The following FGF14 variants were observed in gnomAD, a reference collection of about 807,000 sequenced individuals.
The protein encoded by FGF14 is fibroblast growth factor homologous factor 4.
Under a neutral mutation model 25.5 loss-of-function variants are expected in FGF14, and 5 were observed. That is an observed-to-expected ratio of 0.20 (90% CI 0.10 to 0.41). FGF14 has a LOEUF of 0.41. Ranked by LOEUF, FGF14 falls within the 10% of genes least tolerant of loss-of-function variation. The probability of loss-of-function intolerance (pLI) is 1.00; values close to 1 mark genes in which losing one functional copy is unlikely to be tolerated. For missense variants in FGF14, 222 were observed against 320.1 expected, an observed-to-expected ratio of 0.69 and a Z score of 2.34; for synonymous variants, 138 against 118.3, an observed-to-expected ratio of 1.17 and a Z score of -1.08.
chr13:102,371,100 A>C (rs1459093347), intron 1 of FGF14, among the ~76,000 whole-genome samples: 1 of 152,202 alleles, frequency 6.6e-6, no homozygotes, highest in Non-Finnish European at 1.5e-5. Context: ...GTGTTATTTC[A>C]TATTCCAGGT....
At chr13:102,220,288 A>T (rs753160754) in intron 1 of FGF14, among the ~76,000 whole-genome samples, 9 of 152,192 alleles carry the variant, frequency 5.9e-5, no homozygotes, top group South Asian at 2.1e-4. Context: ...TCATTTAAGA[A>T]TGGAAATGAA....
At chr13:102,307,211 A>G (rs1426272891) in intron 1 of FGF14, among the ~76,000 whole-genome samples, 2 of 152,168 alleles carry the variant, frequency 1.3e-5, no homozygotes, top group Non-Finnish European at 2.9e-5. Flanking sequence ...TCCCATGACC[A>G]TATGGAACCT....
At chr13:102,376,621 T>C (rs1374352491) in intron 1 of FGF14, among the ~76,000 whole-genome samples, 1 of 152,124 alleles carries the variant, frequency 6.6e-6, no homozygotes, top group Non-Finnish European at 1.5e-5. Flanking sequence ...CTTTCACCCA[T>C]TGCCTCTCCT....
At chr13:102,395,554 G>T (rs2139262968) in intron 1 of FGF14, 1 of 152,318 alleles carries the variant, frequency 6.6e-6, no homozygotes, top group African/African-American at 2.4e-5. Flanking sequence ...TTATTTAGTA[G>T]CCAAATTCTT....
intron 1 of FGF14, among the ~76,000 whole-genome samples, chr13:102,014,916 CATTT>C (rs776692372): frequency 1.9e-4 from 29 of 152,218 alleles, no homozygotes; most frequent in Non-Finnish European, 3.8e-4. Flanking sequence ...GCTAAACATT[CATTT>C]ATTTATTTAT....
At chr13:102,197,861 G>A (rs1001143271) in intron 1 of FGF14, among the ~76,000 whole-genome samples, 50 of 151,998 alleles carry the variant, frequency 3.3e-4, no homozygotes, top group Admixed American at 3.2e-3. Context: ...AAAGCCTCAC[G>A]GTACACAGTA....
intron 1 of FGF14, among the ~76,000 whole-genome samples, chr13:102,241,931 C>T (rs1187243872): frequency 1.3e-5 from 2 of 151,986 alleles, no homozygotes; most frequent in Non-Finnish European, 2.9e-5. Context: ...TTATTCTTGG[C>T]AACCTGAAAA....
intron 2 of FGF14, among the ~76,000 whole-genome samples, chr13:101,870,466 T>G (rs994391806): frequency 6.6e-6 from 1 of 152,182 alleles, no homozygotes; most frequent in Non-Finnish European, 1.5e-5. Context: ...TCTTCTAACT[T>G]TCACACACTC....
At chr13:102,284,977 G>A (rs1377695919) in intron 1 of FGF14, among the ~76,000 whole-genome samples, 3 of 151,354 alleles carry the variant, frequency 2.0e-5, no homozygotes, top group Non-Finnish European at 4.4e-5. Flanking sequence ...ACTTTGAGCT[G>A]TATACATTAC....
Position 101,715,372 on chromosome 13 carries a change from A to G in FGF14, c.*7459T>C, listed in dbSNP as rs2034670660. ...TAAAGGGTGGCACCAAATAAATGCC[A>G]CTAATTGTTTGAAAGATTAGATGTC... is the stretch of plus-strand genomic sequence containing the variant. On this transcript the variant is annotated 3_prime_UTR_variant, in exon 5 of 5. Coordinates refer to ENST00000376143, the MANE Select transcript of FGF14 (RefSeq NM_004115.4). 5.2e-6 allele frequency: 3 copies of G among 578,412 alleles called. No individual in the cohort carries two copies. Among genetic ancestry groups the G allele is most frequent in the Non-Finnish European group, 9.3e-6 (3 of 322,136 alleles). 35.8% of individuals were successfully genotyped at this position (578,412 alleles called of 1,614,324 possible).
chr13:102,066,300 A>G (rs1455236789), intron 1 of FGF14, among the ~76,000 whole-genome samples: 1 of 152,170 alleles, frequency 6.6e-6, no homozygotes, highest in Non-Finnish European at 1.5e-5. Context: ...GTCCTTTATC[A>G]TTGTTACTGT....
intron 1 of FGF14, among the ~76,000 whole-genome samples, chr13:101,928,459 T>A (rs1281386044): frequency 1.3e-5 from 2 of 151,996 alleles, no homozygotes; most frequent in East Asian, 3.9e-4. Context: ...GGAAAGTCAC[T>A]GAGCACAGGA....
intron 3 of FGF14, among the ~76,000 whole-genome samples, chr13:101,794,119 T>C (rs892877864): frequency 3.9e-5 from 6 of 151,992 alleles, no homozygotes. Context: ...CAATTTCTTT[T>C]TTTGCTTTAT....
Position 102,187,246 on chromosome 13 carries a change from A to ATTTTTTTTT in FGF14, c.208+214224_208+214225insAAAAAAAAA, listed in dbSNP as rs1194842636. Among the ~76,000 whole-genome samples the ATTTTTTTTT allele has an allele frequency of 2.6e-5, 4 of 152,344 alleles. No homozygotes were observed. In the East Asian group the frequency reaches 7.7e-4, roughly 29 times the overall value. On this transcript the variant is annotated intron_variant, in intron 1 of 4. Coordinates refer to the FGF14 transcript ENST00000376131. Reference sequence around the variant, plus strand: ...GGAGGCCCAGATAACCCAGACATGCATAGATTACTTTTTTAGGGCTATAAT... The same window carrying ATTTTTTTTT: ...GGAGGCCCAGATAACCCAGACATGCATTTTTTTTTTAGATTACTTTTTTAGGGCTATAAT...
At chr13:102,068,508 G>A (rs2043000007) in intron 1 of FGF14, among the ~76,000 whole-genome samples, 2 of 152,210 alleles carry the variant, frequency 1.3e-5, no homozygotes, top group Non-Finnish European at 2.9e-5. Context: ...GCTGCGTACA[G>A]TGCTTGCGGG....
intron 1 of FGF14, among the ~76,000 whole-genome samples, chr13:102,071,718 T>A (rs950874087): frequency 2.0e-5 from 3 of 152,222 alleles, no homozygotes; most frequent in African/African-American, 7.2e-5. Context: ...TATCTTTCTC[T>A]ACTCTTCATT....
At chr13:101,736,814 G>T (rs997783835) in intron 3 of FGF14, among the ~76,000 whole-genome samples, 1 of 151,648 alleles carries the variant, frequency 6.6e-6, no homozygotes, top group Non-Finnish European at 1.5e-5. Flanking sequence ...AGTAAGTGGC[G>T]AAGCAGGTTC....
At chr13:102,078,765 T>C (rs1449019281) in intron 1 of FGF14, among the ~76,000 whole-genome samples, 1 of 152,216 alleles carries the variant, frequency 6.6e-6, no homozygotes, top group Non-Finnish European at 1.5e-5. Context: ...CGACGTGTAT[T>C]AAGAACTCGA....
At chr13:102,351,351 C>T (rs940156390) in intron 1 of FGF14, among the ~76,000 whole-genome samples, 1 of 152,048 alleles carries the variant, frequency 6.6e-6, no homozygotes, top group African/African-American at 2.4e-5. Context: ...TCCCCTCGAA[C>T]ATGTCTTCAA....
Sources: gnomAD v4.1 joint callset for allele counts (sites outside exome capture counted in the v4.1 genomes callset) on GRCh38, gnomAD v4.1.1 for gene constraint, MANE v1.5 for transcripts, NCBI Gene and HGNC (gene_info 2026-07-23, HGNC 2026-07-21) for gene names.